Variants in CLASP1 observed in about 807,000 individuals in gnomAD.
CLASP1 encodes the protein CLIP-associating protein 1.
In CLASP1, 38 loss-of-function variants were observed where a neutral mutation model predicts 192.3. The observed-to-expected ratio is 0.20, with a 90% confidence interval of 0.15 to 0.26. The LOEUF (loss-of-function observed/expected upper bound fraction) is 0.26, where lower values mean the gene tolerates loss of function less well. Ranked by LOEUF, CLASP1 falls within the 10% of genes least tolerant of loss-of-function variation. The pLI is 1.00. For missense variants in CLASP1, 1,433 were observed against 1,932.5 expected (o/e 0.74, Z 4.85); for synonymous variants, 691 against 712.8 (o/e 0.97, Z 0.49).
chr2:121,413,662 T>C (rs1325379365), intron 23 of CLASP1, among the ~76,000 whole-genome samples: 4 of 152,196 alleles, frequency 2.6e-5, no homozygotes, highest in African/African-American at 9.6e-5. Flanking sequence ...TTTTCATACA[T>C]ATGAAATTAT....
chr2:121,401,718 T>A (rs2076173562), intron 27 of CLASP1, 46 bp from the exon 29 acceptor site: 5 of 1,518,992 alleles, frequency 3.3e-6, no homozygotes, highest in Non-Finnish European at 3.6e-6. Context: ...GAATTCACGA[T>A]CTCCTCCAAA....
intron 2 of CLASP1, among the ~76,000 whole-genome samples, chr2:121,582,380 AGATG>A (rs1311210797): frequency 2.7e-5 from 4 of 149,814 alleles, no homozygotes; most frequent in Admixed American, 6.7e-5. Context: ...AAAGACAGAA[AGATG>A]GATGGATGGA....
At chr2:121,402,712 T>C (rs1036680675) in intron 26 of CLASP1, 2 of 513,962 alleles carry the variant, frequency 3.9e-6, no homozygotes, top group Admixed American at 2.0e-5. Context: ...AACCATCTAA[T>C]AGTGTTCACG....
intron 19 of CLASP1, among the ~76,000 whole-genome samples, chr2:121,430,389 G>A (rs2081185929): frequency 6.6e-6 from 1 of 152,262 alleles, no homozygotes; most frequent in Admixed American, 6.5e-5. Context: ...ACTGTTCTAC[G>A]AACACAGGAT....
rs70954553 is a variant in CLASP1 at position 121,517,858 on chromosome 2, CTTTTTTTTTTTTTTTT to C, written c.547-2112_547-2097del. On this transcript the variant is annotated intron_variant, in intron 6 of 39. Transcript: ENST00000263710. ...CCTCAGAGACAAAGCAAGACTCAAGCTTTTTTTTTTTTTTTTTTTTTTTTTTTTTTTTTAGAAAAAG... is the reference window on the plus strand; with the variant it reads ...CCTCAGAGACAAAGCAAGACTCAAGCTTTTTTTTTTTTTTTTTAGAAAAAG... Among the ~76,000 whole-genome samples the C allele has an allele frequency of 2.3e-4, 7 of 30,820 alleles. 1 individual carries two copies. Among genetic ancestry groups the C allele is most frequent in the East Asian group, 2.3e-3 (2 of 864 alleles). The allele number at this position is 30,820 out of a possible 152,430, so 20.2% of individuals were successfully genotyped here.
intron 1 of CLASP1, among the ~76,000 whole-genome samples, chr2:121,622,312 T>C (rs1275110757): frequency 1.3e-5 from 2 of 152,054 alleles, no homozygotes; most frequent in Non-Finnish European, 2.9e-5. Flanking sequence ...GGCTCACGCC[T>C]GTAATCCCAG....
intron 19 of CLASP1, among the ~76,000 whole-genome samples, chr2:121,432,167 T>G (rs796370330): frequency 4.1e-4 from 63 of 152,240 alleles, no homozygotes; most frequent in African/African-American, 1.5e-3. Flanking sequence ...CATGCTGGAG[T>G]GCAGTGGTGT....
At chr2:121,403,844 G>C in intron 26 of CLASP1, 1 of 457,690 alleles carries the variant, frequency 2.2e-6, no homozygotes. Context: ...GTGGGCACCA[G>C]CTAAGTGATC....
At chr2:121,568,053 C>G (rs942894400) in intron 2 of CLASP1, among the ~76,000 whole-genome samples, 18 of 152,182 alleles carry the variant, frequency 1.2e-4, no homozygotes, top group Admixed American at 3.3e-4. Flanking sequence ...AGGATGTCAT[C>G]AGAGTATCCA....
At chr2:121,441,263 C>G (rs1469793932) in intron 19 of CLASP1, among the ~76,000 whole-genome samples, 1 of 152,202 alleles carries the variant, frequency 6.6e-6, no homozygotes, top group African/African-American at 2.4e-5. Context: ...AAGTAAGTCT[C>G]TGTTCTCATC....
At chr2:121,454,257 T>C (rs1404493561) in intron 14 of CLASP1, among the ~76,000 whole-genome samples, 1 of 149,160 alleles carries the variant, frequency 6.7e-6, no homozygotes, top group Non-Finnish European at 1.5e-5. Flanking sequence ...GGCATGATAA[T>C]GGGGCCCTCA....
intron 39 of CLASP1, among the ~76,000 whole-genome samples, chr2:121,344,008 T>C (rs1162635189): frequency 2.0e-5 from 3 of 151,844 alleles, no homozygotes; most frequent in South Asian, 2.1e-4. Context: ...TAGGCGGAGG[T>C]TGCAGTGAGC....
chr2:121,378,388 A>G (rs933135400), intron 33 of CLASP1, among the ~76,000 whole-genome samples: 9 of 152,332 alleles, frequency 5.9e-5, no homozygotes, highest in African/African-American at 2.2e-4. Context: ...TGTTCACAGA[A>G]AAGTGTTATT....
intron 2 of CLASP1, among the ~76,000 whole-genome samples, chr2:121,599,294 GA>G (rs201508704): frequency 0.045 from 5,996 of 134,628 alleles, 415 homozygotes; most frequent in African/African-American, 0.15. Context: ...AGCCCTTAAA[GA>G]AAAAAAAAAA....
intron 25 of CLASP1, among the ~76,000 whole-genome samples, chr2:121,405,911 T>G (rs765664142): frequency 4.0e-4 from 61 of 152,152 alleles, no homozygotes; most frequent in Admixed American, 1.4e-3. Context: ...AGAGCCACAG[T>G]GAGAGCTGAG....
chr2:121,529,411 A>C (rs2094687373), intron 3 of CLASP1, among the ~76,000 whole-genome samples: 1 of 152,226 alleles, frequency 6.6e-6, no homozygotes, highest in South Asian at 2.1e-4. Context: ...ACACTATTAA[A>C]ATATCAAATG....
At chr2:121,433,760 A>C (rs999803203) in intron 19 of CLASP1, among the ~76,000 whole-genome samples, 1 of 152,232 alleles carries the variant, frequency 6.6e-6, no homozygotes, top group African/African-American at 2.4e-5. Flanking sequence ...TGTCTCAAAA[A>C]GAAAAGAAGA....
In CLASP1 at chr2:121,524,336, T is replaced by C. The variant is rs544811010; in HGVS notation, c.546+1509A>G. Among the ~76,000 whole-genome samples, 303 of 152,302 alleles carry C rather than the reference T, an allele frequency of 2.0e-3. 1 individual carries two copies. The highest frequency in any genetic ancestry group is 5.9e-3 in the African/African-American group (244 of 41,548). ...GGAGGAAGGATACAAAACGATAATC[T>C]ATTTGGTAACTTAGAATCTTTTTAA... On this transcript the variant is annotated intron_variant, in intron 6 of 39. Coordinates refer to ENST00000263710, the Ensembl canonical transcript of CLASP1.
chr2:121,600,767 A>C (rs2063696801), intron 2 of CLASP1, among the ~76,000 whole-genome samples: 1 of 152,210 alleles, frequency 6.6e-6, no homozygotes. Context: ...CCCCAGTCCC[A>C]TCCCCAACCT....
Sources: gnomAD v4.1 joint callset for allele counts (sites outside exome capture counted in the v4.1 genomes callset) on GRCh38, gnomAD v4.1.1 for gene constraint, MANE v1.5 for transcripts, NCBI Gene and HGNC (gene_info 2026-07-23, HGNC 2026-07-21) for gene names.